The following GRIK1 variants were observed in gnomAD, a reference collection of about 807,000 sequenced individuals.
GRIK1 encodes glutamate receptor ionotropic, kainate 1.
GRIK1 carries 69 observed loss-of-function variants against 105.7 expected under a neutral mutation model. That is an observed-to-expected ratio of 0.65 (90% confidence interval 0.54 to 0.80). GRIK1 has a LOEUF of 0.80. Among genes scored for constraint, GRIK1 ranks in the 30% least tolerant of loss-of-function variants. GRIK1 has a pLI of 0.00. For missense variants in GRIK1, 1,109 were observed against 1,167.3 expected (o/e 0.95, Z 0.73); for synonymous variants, 438 against 431.3 (o/e 1.02, Z -0.19).
In GRIK1 at chr21:29,581,483, T is replaced by C; in HGVS notation, c.1854A>G (p.Glu618=). ...HPCNPDSDVV[E]NNFTLLNSFW... Reference sequence around the variant, plus strand: ...AACTATTTAGTAAAGTAAAATTGTTTTCCACCACGTCTGAGTCAGGGTTGC... The same window carrying C: ...AACTATTTAGTAAAGTAAAATTGTTCTCCACCACGTCTGAGTCAGGGTTGC... Residue 618 remains glutamate, a synonymous_variant, in exon 13 of 18, where the codon GAA becomes GAG. Transcript: ENST00000327783. 6.2e-7 allele frequency: 1 copy of C among 1,613,426 alleles called. No homozygotes were observed. Among genetic ancestry groups the C allele is most frequent in the Non-Finnish European group, 8.5e-7 (1 of 1,179,486 alleles).
intron 1 of GRIK1, among the ~76,000 whole-genome samples, chr21:29,753,171 A>G (rs1162072589): frequency 6.6e-6 from 1 of 152,226 alleles, no homozygotes; most frequent in Non-Finnish European, 1.5e-5. Flanking sequence ...CCACTGTGTA[A>G]TAACAATTAT....
chr21:29,890,805 C>T (rs924055404), intron 1 of GRIK1, among the ~76,000 whole-genome samples: 1 of 152,004 alleles, frequency 6.6e-6, no homozygotes, highest in African/African-American at 2.4e-5. Context: ...ACACATAAGA[C>T]TGTAAAAAGA....
intron 15 of GRIK1, among the ~76,000 whole-genome samples, chr21:29,560,279 TTTTC>T (rs56295343): frequency 0.06 from 4,198 of 69,852 alleles, 363 homozygotes; most frequent in Non-Finnish European, 0.082. Context: ...TATGATACAG[TTTTC>T]TTTCTTTCTT....
chr21:29,909,684 T>C (rs1674111165), intron 1 of GRIK1, among the ~76,000 whole-genome samples: 1 of 152,088 alleles, frequency 6.6e-6, no homozygotes, highest in Admixed American at 6.6e-5. Context: ...AAATCAGATG[T>C]GGTTTAGTTC....
In GRIK1 at chr21:29,921,423, G is replaced by T. The variant is rs528578701; in HGVS notation, c.118+17960C>A. ...ATTCAAATTGTTGCCATTCTTAATG[G>T]TTTTACTCATGGTTAAAAAAGTATC... is the stretch of plus-strand genomic sequence containing the variant. On this transcript the variant is annotated intron_variant, in intron 1 of 17. Coordinates refer to ENST00000327783, the MANE Select transcript of GRIK1 (RefSeq NM_001330994.2). 3.9e-5 allele frequency among the ~76,000 whole-genome samples: 6 copies of T among 152,212 alleles called. No homozygotes were observed. The South Asian group carries it at 1.2e-3, about 32-fold the overall frequency.
At chr21:29,620,793 C>CA (rs2061973208) in intron 7 of GRIK1, among the ~76,000 whole-genome samples, 1 of 121,536 alleles carries the variant, frequency 8.2e-6, no homozygotes, top group African/African-American at 3.6e-5. Context: ...ATATATATAT[C>CA]TATATATATA....
intron 1 of GRIK1, among the ~76,000 whole-genome samples, chr21:29,874,399 T>C (rs2069121826): frequency 6.6e-6 from 1 of 152,190 alleles, no homozygotes; most frequent in South Asian, 2.1e-4. Flanking sequence ...CCTTGTTACC[T>C]AGGGCGAGGC....
At chr21:29,644,276 T>C (rs1005203541) in intron 6 of GRIK1, among the ~76,000 whole-genome samples, 2 of 152,230 alleles carry the variant, frequency 1.3e-5, no homozygotes, top group African/African-American at 4.8e-5. Context: ...ATTTTCCATC[T>C]ATTCATGGTC....
intron 1 of GRIK1, among the ~76,000 whole-genome samples, chr21:29,851,733 C>G (rs1201506515): frequency 6.6e-6 from 1 of 150,868 alleles, no homozygotes; most frequent in South Asian, 2.1e-4. Context: ...GGCCTCAACT[C>G]TCTTAGCTAC....
At chr21:29,604,344 C>T (rs547762048) in intron 7 of GRIK1, among the ~76,000 whole-genome samples, 17 of 152,174 alleles carry the variant, frequency 1.1e-4, no homozygotes, top group Admixed American at 2.0e-4. Flanking sequence ...TGACCTTCAA[C>T]GTCAAATTTC....
chr21:29,911,043 A>G (rs1357841093), intron 1 of GRIK1, among the ~76,000 whole-genome samples: 1 of 152,116 alleles, frequency 6.6e-6, no homozygotes, highest in Non-Finnish European at 1.5e-5. Context: ...CAGCTGTAAT[A>G]AATACAGATA....
At chr21:29,794,775 G>A (rs1410912998) in intron 1 of GRIK1, among the ~76,000 whole-genome samples, 1 of 152,090 alleles carries the variant, frequency 6.6e-6, no homozygotes, top group African/African-American at 2.4e-5. Context: ...ATATGTCTCT[G>A]AGTAACTAAC....
At chr21:29,722,579 T>TAAA (rs748557269) in intron 1 of GRIK1, among the ~76,000 whole-genome samples, 9 of 111,878 alleles carry the variant, frequency 8.0e-5, no homozygotes, top group Admixed American at 1.9e-4. Context: ...TAAATAAAAG[T>TAAA]AAAAAAAAAA....
intron 3 of GRIK1, among the ~76,000 whole-genome samples, chr21:29,684,420 T>G (rs945364836): frequency 6.6e-6 from 1 of 152,224 alleles, no homozygotes; most frequent in Non-Finnish European, 1.5e-5. Flanking sequence ...TATTTATATA[T>G]CTATCTAATC....
rs577643874 is a variant in GRIK1 at position 29,673,208 on chromosome 21, A to G, written c.545-44T>C. 6.4e-5 allele frequency: 86 copies of G among 1,348,268 alleles called. 1 individual carries two copies. The South Asian group carries it at 8.8e-4, about 14-fold the overall frequency. The allele number at this position is 1,348,268 out of a possible 1,614,324, so 83.5% of individuals were successfully genotyped here. A position where few individuals can be genotyped will look rare whatever the true frequency, so the allele number is the denominator to read the frequency against. On this transcript the variant is annotated intron_variant, in intron 3 of 17. Transcript: ENST00000327783. ...TCATGCAATGGAGACTGTTCTGTCG[A>G]CAGAGTATTGTTTATTGCCATTTAG...
intron 1 of GRIK1, among the ~76,000 whole-genome samples, chr21:29,844,055 C>T (rs776466368): frequency 6.0e-4 from 92 of 152,290 alleles, no homozygotes; most frequent in African/African-American, 1.6e-3. Flanking sequence ...ACTCTCATTA[C>T]GCCATTTGGA....
At chr21:29,846,938 C>G (rs1444865230) in intron 1 of GRIK1, among the ~76,000 whole-genome samples, 2 of 152,084 alleles carry the variant, frequency 1.3e-5, no homozygotes, top group Non-Finnish European at 1.5e-5. Flanking sequence ...CATCCTTATT[C>G]AAATACACAT....
chr21:29,865,718 A>G lies in GRIK1; in HGVS notation c.118+73665T>C, dbSNP rs183784330. ...AATGACATAAGAAATGTGTGTCCCA[A>G]TATTAAGTGAAAGATGCATAGTAAC... is the stretch of plus-strand genomic sequence containing the variant. On this transcript the variant is annotated intron_variant, in intron 1 of 17. Transcript: ENST00000327783. Among the ~76,000 whole-genome samples the G allele has an allele frequency of 7.2e-4, 109 of 152,378 alleles. 1 individual carries two copies. Among genetic ancestry groups the G allele is most frequent in the Non-Finnish European group, 3.1e-4 (21 of 68,036 alleles).
chr21:29,563,012 T>A (rs1315932594), intron 14 of GRIK1, among the ~76,000 whole-genome samples: 3 of 152,200 alleles, frequency 2.0e-5, no homozygotes, highest in Non-Finnish European at 4.4e-5. Context: ...GTTCCAATTT[T>A]TTTTTTTAAT....
Sources: gnomAD v4.1 joint callset for allele counts (sites outside exome capture counted in the v4.1 genomes callset) on GRCh38, gnomAD v4.1.1 for gene constraint, MANE v1.5 for transcripts, NCBI Gene and HGNC (gene_info 2026-07-23, HGNC 2026-07-21) for gene names.